The following MBD5 variants were observed in gnomAD, a reference collection of about 807,000 sequenced individuals.
The protein encoded by MBD5 is methyl-CpG binding domain protein 5, also known as methyl-CpG-binding domain protein 5.
In MBD5, 13 loss-of-function variants were observed where a neutral mutation model predicts 117.3. That is an observed-to-expected ratio of 0.11 (90% CI 0.07 to 0.18). The LOEUF (loss-of-function observed/expected upper bound fraction) is 0.18, where lower values mean the gene tolerates loss of function less well. MBD5 is among the 10% of genes least tolerant of loss of function. The probability of loss-of-function intolerance (pLI) is 1.00; values close to 1 mark genes in which losing one functional copy is unlikely to be tolerated. For synonymous variants in MBD5, 727 were observed against 766.4 expected, an observed-to-expected ratio of 0.95 and a Z score of 0.85; for missense variants, 1,879 against 2,093.8, an observed-to-expected ratio of 0.90 and a Z score of 2.00.
intron 4 of MBD5, among the ~76,000 whole-genome samples, chr2:148,348,890 G>A (rs1201166019): frequency 2.6e-5 from 4 of 151,866 alleles, no homozygotes; most frequent in Non-Finnish European, 1.5e-5. Flanking sequence ...ACAGCCCCTG[G>A]AATAATGTTT....
chr2:148,168,950 C>T (rs970595559), intron 1 of MBD5, among the ~76,000 whole-genome samples: 2 of 148,032 alleles, frequency 1.4e-5, no homozygotes, highest in African/African-American at 2.5e-5. Context: ...TATATATACA[C>T]GTGTATATAT....
At chr2:148,415,774 A>G (rs1236317776) in intron 4 of MBD5, among the ~76,000 whole-genome samples, 1 of 152,126 alleles carries the variant, frequency 6.6e-6, no homozygotes, top group African/African-American at 2.4e-5. Context: ...TTGTGCTGGT[A>G]TTATAAAATT....
intron 3 of MBD5, among the ~76,000 whole-genome samples, chr2:148,271,541 A>C (rs1700987404): frequency 6.6e-6 from 1 of 152,202 alleles, no homozygotes; most frequent in South Asian, 2.1e-4. Context: ...TTCATAAAGT[A>C]CATATCCTCA....
intron 1 of MBD5, among the ~76,000 whole-genome samples, chr2:148,173,632 T>C (rs1215615380): frequency 6.6e-6 from 1 of 152,170 alleles, no homozygotes; most frequent in African/African-American, 2.4e-5. Flanking sequence ...AATGGGAGAT[T>C]TGCTTGTGCC....
intron 3 of MBD5, among the ~76,000 whole-genome samples, chr2:148,286,739 A>G (rs1441863844): frequency 6.6e-6 from 1 of 152,192 alleles, no homozygotes; most frequent in Admixed American, 6.5e-5. Flanking sequence ...GTTATTATCT[A>G]AGAATAATTG....
chr2:148,502,422 A>G lies in MBD5; in HGVS notation c.4963-14A>G. On this transcript the variant is annotated splice_polypyrimidine_tract_variant and intron_variant, in intron 11 of 13. Transcript: ENST00000642680. ...GTCTGGGTAATGTGGTTTGGTCTTC[A>G]TACCTTCACTCAGGTGGAGCCCGAG... The G allele has an allele frequency of 1.9e-6, 3 of 1,613,578 alleles. No individual in the cohort carries two copies. Among genetic ancestry groups the G allele is most frequent in the East Asian group, 4.5e-5 (2 of 44,886 alleles).
chr2:148,314,631 GC>G (rs763928138), intron 3 of MBD5, among the ~76,000 whole-genome samples: 8 of 152,014 alleles, frequency 5.3e-5, no homozygotes, highest in Non-Finnish European at 8.8e-5. Flanking sequence ...ACCCTCCTCG[GC>G]CTCCCAAAGT....
intron 2 of MBD5, among the ~76,000 whole-genome samples, chr2:148,221,399 T>C (rs1374431826): frequency 2.6e-5 from 4 of 152,094 alleles, no homozygotes; most frequent in Non-Finnish European, 5.9e-5. Context: ...TGGGGTTCCG[T>C]TTTTTCCACA....
intron 1 of MBD5, chr2:148,068,718 T>C (rs1695273215): frequency 6.6e-6 from 1 of 152,250 alleles, no homozygotes; most frequent in South Asian, 2.1e-4. Context: ...GAGACTATCT[T>C]AAGAAGTCAG....
intron 12 of MBD5, among the ~76,000 whole-genome samples, chr2:148,504,303 G>A (rs1031584200): frequency 1.3e-5 from 2 of 152,034 alleles, no homozygotes; most frequent in African/African-American, 4.8e-5. Context: ...TTTCCTTTTC[G>A]ATGCCCAGTA....
At chr2:148,131,555 G>T (rs1697047890) in intron 1 of MBD5, among the ~76,000 whole-genome samples, 1 of 152,106 alleles carries the variant, frequency 6.6e-6, no homozygotes, top group South Asian at 2.1e-4. Context: ...AATTAGCCAG[G>T]AATGGTGGCA....
intron 3 of MBD5, among the ~76,000 whole-genome samples, chr2:148,318,464 T>C (rs1176316135): frequency 6.6e-6 from 1 of 152,136 alleles, no homozygotes; most frequent in African/African-American, 2.4e-5. Context: ...TTTAGTTTAA[T>C]TTAGTCCTAT....
intron 2 of MBD5, among the ~76,000 whole-genome samples, chr2:148,185,740 A>C (rs1037387287): frequency 9.9e-5 from 15 of 152,238 alleles, no homozygotes; most frequent in African/African-American, 3.4e-4. Flanking sequence ...CCTCTCTACT[A>C]AAAAATGTAA....
At position 148,421,552 on chromosome 2, in the gene MBD5, G is replaced by A. The variant is rs1380008583; in HGVS notation, c.-556-36651G>A. On this transcript the variant is annotated intron_variant, in intron 4 of 13. Coordinates refer to ENST00000642680, the MANE Select transcript of MBD5 (RefSeq NM_001378120.1). ...GAAGTTTTTTTTTTTTTCATACCCAGTGGCACCTGGAAATGCCAGTGAGAC... is the reference window on the plus strand; with the variant it reads ...GAAGTTTTTTTTTTTTTCATACCCAATGGCACCTGGAAATGCCAGTGAGAC... Among the ~76,000 whole-genome samples, 5 of 151,382 alleles carry A rather than the reference G, an allele frequency of 3.3e-5. 1 individual carries two copies. The highest frequency in any genetic ancestry group is 7.4e-5 in the Non-Finnish European group (5 of 67,886).
At chr2:148,256,267 C>A (rs1350776889) in intron 3 of MBD5, among the ~76,000 whole-genome samples, 2 of 152,200 alleles carry the variant, frequency 1.3e-5, no homozygotes, top group Non-Finnish European at 2.9e-5. Context: ...ATCAGTTTAC[C>A]CCCTGCATGT....
At chr2:148,170,414 T>A (rs1349218868) in intron 1 of MBD5, among the ~76,000 whole-genome samples, 1 of 152,226 alleles carries the variant, frequency 6.6e-6, no homozygotes, top group Non-Finnish European at 1.5e-5. Context: ...GAGCTATGGT[T>A]ATACTGAAGA....
At chr2:148,302,176 A>C (rs1021199456) in intron 3 of MBD5, among the ~76,000 whole-genome samples, 1 of 152,204 alleles carries the variant, frequency 6.6e-6, no homozygotes, top group African/African-American at 2.4e-5. Flanking sequence ...GCTCAGATTA[A>C]TATTTTGAAA....
chr2:148,227,771 G>A (rs1699871540), intron 2 of MBD5, among the ~76,000 whole-genome samples: 1 of 152,114 alleles, frequency 6.6e-6, no homozygotes. Context: ...CCATTTGTTT[G>A]TGTCCTCTTT....
intron 3 of MBD5, among the ~76,000 whole-genome samples, chr2:148,250,684 G>A (rs1204838874): frequency 6.6e-6 from 1 of 152,152 alleles, no homozygotes; most frequent in African/African-American, 2.4e-5. Flanking sequence ...CTAGTTTTAT[G>A]TGCTAGTCAT....
Sources: gnomAD v4.1 joint callset for allele counts (sites outside exome capture counted in the v4.1 genomes callset) on GRCh38, gnomAD v4.1.1 for gene constraint, MANE v1.5 for transcripts, NCBI Gene and HGNC (gene_info 2026-07-23, HGNC 2026-07-21) for gene names.